Variants in MYOM2 observed in about 807,000 individuals in gnomAD.
The protein encoded by MYOM2 is myomesin-2.
MYOM2 carries 254 observed loss-of-function variants against 187.6 expected under a neutral mutation model. That is an observed-to-expected ratio of 1.35 (90% confidence interval 1.22 to 1.50). The LOEUF is 1.50. MYOM2 is among the 40% of genes most tolerant of loss of function. The pLI is 0.00. For synonymous variants in MYOM2, 981 were observed against 753.8 expected, an observed-to-expected ratio of 1.30 and a Z score of -4.94; for missense variants, 2,796 against 1,924.0, an observed-to-expected ratio of 1.45 and a Z score of -8.48.
chr8:2,130,700 C>G (rs1386376630), intron 32 of MYOM2, among the ~76,000 whole-genome samples: 3 of 152,094 alleles, frequency 2.0e-5, no homozygotes, highest in Non-Finnish European at 4.4e-5. Context: ...TATTCAAACT[C>G]AAATGGAGTC....
chr8:2,141,930 C>T lies in MYOM2; in HGVS notation c.4002-445C>T, dbSNP rs140837368. On this transcript the variant is annotated intron_variant, in intron 34 of 36. Transcript: ENST00000262113. ...GTTTTCAAATGCACCATCGAGTCTT[C>T]GCACATCCGAAGCTGACCGCAGTCC... is the stretch of plus-strand genomic sequence containing the variant. 4.7e-3 allele frequency among the ~76,000 whole-genome samples: 721 copies of T among 152,294 alleles called. 14 individuals are homozygous for T. Among genetic ancestry groups the T allele is most frequent in the East Asian group, 0.045 (233 of 5,176 alleles).
chr8:2,055,879 C>T (rs371298605), intron 3 of MYOM2, among the ~76,000 whole-genome samples: 1 of 152,162 alleles, frequency 6.6e-6, no homozygotes, highest in Non-Finnish European at 1.5e-5. Context: ...ACTTTCTGTG[C>T]GATGTGGCCC....
intron 25 of MYOM2, among the ~76,000 whole-genome samples, chr8:2,110,749 T>C (rs1797043139): frequency 6.6e-6 from 1 of 152,242 alleles, no homozygotes; most frequent in Non-Finnish European, 1.5e-5. Flanking sequence ...CCCCCTACCA[T>C]ATTTCTAAGC....
At chr8:2,063,784 C>A (rs977794418) in intron 6 of MYOM2, among the ~76,000 whole-genome samples, 2 of 152,222 alleles carry the variant, frequency 1.3e-5, no homozygotes, top group Non-Finnish European at 2.9e-5. Flanking sequence ...ACAGAACCAG[C>A]TTCTCCCAGG....
chr8:2,086,203 G>GCC lies in MYOM2; in HGVS notation c.1644+816_1644+817dup, dbSNP rs1554546930. Among the ~76,000 whole-genome samples the GCC allele has an allele frequency of 6.3e-4, 9 of 14,352 alleles. 1 individual carries two copies. The highest frequency in any genetic ancestry group is 1.1e-3 in the Non-Finnish European group (7 of 6,128). The allele number at this position is 14,352 out of a possible 152,430, so 9.4% of individuals were successfully genotyped here. ...GCCCCACTGTCATGATCTCTGCGTGGCCCCACTGTCATGATCTCTTTGTGG... is the reference window on the plus strand; with the variant it reads ...GCCCCACTGTCATGATCTCTGCGTGGCCCCCCACTGTCATGATCTCTTTGTGG... On this transcript the variant is annotated intron_variant, in intron 14 of 36. Coordinates refer to ENST00000262113, the MANE Select transcript of MYOM2 (RefSeq NM_003970.4).
chr8:2,067,025 G>A (rs1471911238), intron 6 of MYOM2, among the ~76,000 whole-genome samples: 1 of 152,200 alleles, frequency 6.6e-6, no homozygotes, highest in African/African-American at 2.4e-5. Context: ...TTGAGCAACG[G>A]CAGTTAGGGA....
chr8:2,140,982 A>G (rs1428983709), intron 33 of MYOM2, 96 bp downstream of exon 33: 19 of 1,363,704 alleles, frequency 1.4e-5, no homozygotes, highest in Non-Finnish European at 9.9e-6. Flanking sequence ...AAGAGACAAT[A>G]TGAATTTACA....
Position 2,076,294 on chromosome 8 carries a change from G to A in MYOM2, c.1262+12G>A, listed in dbSNP as rs1490504314. ...TATTTTGTGGACCGGTGAGCGTCTT[G>A]CATTCTCCCGGGGATGGGAACGTTC... On this transcript the variant is annotated intron_variant, in intron 11 of 36. Coordinates refer to ENST00000262113, the MANE Select transcript of MYOM2 (RefSeq NM_003970.4). 4 of 1,612,586 alleles carry A rather than the reference G, an allele frequency of 2.5e-6. No individual in the cohort carries two copies. The highest frequency in any genetic ancestry group is 3.4e-6 in the Non-Finnish European group (4 of 1,179,540).
Position 2,071,010 on chromosome 8 carries a change from C to G in MYOM2, c.794-1335C>G, listed in dbSNP as rs550871159. Among the ~76,000 whole-genome samples, 17 of 152,172 alleles carry G rather than the reference C, an allele frequency of 1.1e-4. No homozygotes were observed. The South Asian group carries it at 3.5e-3, about 32-fold the overall frequency. ...TGAGACAGGGTCTCACTCGGTCGCC[C>G]AGGCTGGAGTGCAGTGGTGCGATCT... On this transcript the variant is annotated intron_variant, in intron 8 of 36. Coordinates refer to ENST00000262113, the MANE Select transcript of MYOM2 (RefSeq NM_003970.4).
chr8:2,052,469 A>G (rs11136458), intron 3 of MYOM2, among the ~76,000 whole-genome samples, 156 bp downstream of exon 3: 13,307 of 152,230 alleles, frequency 0.087, 661 homozygotes, highest in Middle Eastern at 0.13. Context: ...CTGTTTCCCA[A>G]TCACCTGCTT....
At chr8:2,050,091 C>G (rs1278790687) in intron 1 of MYOM2, among the ~76,000 whole-genome samples, 2 of 152,132 alleles carry the variant, frequency 1.3e-5, no homozygotes, top group Non-Finnish European at 1.5e-5. Flanking sequence ...AGAGACTGCC[C>G]GTTCCCCAGG....
chr8:2,104,854 C>G (rs966132630), intron 21 of MYOM2, among the ~76,000 whole-genome samples: 1 of 152,140 alleles, frequency 6.6e-6, no homozygotes, highest in African/African-American at 2.4e-5. Context: ...CAACCAGCAG[C>G]CGTGGTTATT....
At chr8:2,062,478 G>A (rs1004500767) in intron 6 of MYOM2, among the ~76,000 whole-genome samples, 6 of 152,232 alleles carry the variant, frequency 3.9e-5, no homozygotes, top group African/African-American at 1.4e-4. Flanking sequence ...GGGCTCGACT[G>A]GGCATTAGTG....
intron 28 of MYOM2, among the ~76,000 whole-genome samples, chr8:2,120,680 T>TATATATAAATATATATATA: frequency 2.1e-5 from 1 of 48,294 alleles, no homozygotes; most frequent in Admixed American, 3.9e-4. Flanking sequence ...ATATATTATA[T>TATATATAAATATATATATA]TATATATAAA....
chr8:2,061,976 G>A (rs906511159), intron 6 of MYOM2, among the ~76,000 whole-genome samples: 2 of 152,242 alleles, frequency 1.3e-5, no homozygotes, highest in African/African-American at 4.8e-5. Flanking sequence ...AGCTGTGGGT[G>A]AGGGGAGGGG....
In MYOM2 at chr8:2,137,685, G is replaced by T. The variant is rs146131177; in HGVS notation, c.3801-3038G>T. Among the ~76,000 whole-genome samples, 712 of 152,252 alleles carry T rather than the reference G, an allele frequency of 4.7e-3. 13 individuals carry two copies. Among genetic ancestry groups the T allele is most frequent in the East Asian group, 0.045 (231 of 5,164 alleles). ...AAACAAGTTTTTCTGACTCTCAACA[G>T]AAGAGTTCCACATGCTTGTGGAACC... is the stretch of plus-strand genomic sequence containing the variant. On this transcript the variant is annotated intron_variant, in intron 32 of 36. Coordinates refer to ENST00000262113, the MANE Select transcript of MYOM2 (RefSeq NM_003970.4).
intron 21 of MYOM2, among the ~76,000 whole-genome samples, chr8:2,103,016 G>A (rs553537024): frequency 2.0e-5 from 3 of 152,022 alleles, no homozygotes; most frequent in African/African-American, 4.8e-5. Context: ...TGGATTATGT[G>A]TTTATGCATG....
chr8:2,133,520 G>C (rs1211620043), intron 32 of MYOM2, among the ~76,000 whole-genome samples: 1 of 152,192 alleles, frequency 6.6e-6, no homozygotes, highest in Non-Finnish European at 1.5e-5. Context: ...GAGTGCAGTG[G>C]CATGATCTTT....
rs939602983 is a variant in MYOM2 at position 2,145,384 on chromosome 8, G to A, written c.*403G>A. On this transcript the variant is annotated 3_prime_UTR_variant, in exon 37 of 37. Coordinates refer to ENST00000262113, the MANE Select transcript of MYOM2 (RefSeq NM_003970.4). ...TAGCATCTCTGAAATCCTGGCTGTC[G>A]AGGCTTTGAAGCATGTGTTACCTGG... 26 of 270,624 alleles carry A rather than the reference G, an allele frequency of 9.6e-5. No homozygotes were observed. The highest frequency in any genetic ancestry group is 1.6e-4 in the Non-Finnish European group (23 of 146,370). The allele number at this position is 270,624 out of a possible 1,614,324, so 16.8% of individuals were successfully genotyped here. A position where few individuals can be genotyped will look rare whatever the true frequency, so the allele number is the denominator to read the frequency against.
Sources: gnomAD v4.1 joint callset for allele counts (sites outside exome capture counted in the v4.1 genomes callset) on GRCh38, gnomAD v4.1.1 for gene constraint, MANE v1.5 for transcripts, NCBI Gene and HGNC (gene_info 2026-07-23, HGNC 2026-07-21) for gene names.